Variants in GPT2 observed in about 807,000 individuals in gnomAD.
The protein encoded by GPT2 is glutamic--pyruvic transaminase 2.
A neutral mutation model predicts 56.9 loss-of-function variants in GPT2; 30 were observed. That is an observed-to-expected ratio of 0.53 (90% CI 0.39 to 0.72). The LOEUF is 0.72. GPT2 is among the 30% of genes least tolerant of loss of function. GPT2 has a pLI of 0.00. For missense variants in GPT2, 542 were observed against 703.4 expected, an observed-to-expected ratio of 0.77 and a Z score of 2.60; for synonymous variants, 271 against 283.1, an observed-to-expected ratio of 0.96 and a Z score of 0.43.
At chr16:46,903,774 A>G (rs976858930) in intron 4 of GPT2, among the ~76,000 whole-genome samples, 4 of 152,190 alleles carry the variant, frequency 2.6e-5, no homozygotes, top group African/African-American at 9.6e-5. Flanking sequence ...CACCAAAGAC[A>G]CTGGTGAGCA....
rs1340848778 is a variant in GPT2 at position 46,900,749 on chromosome 16, G to A, written c.401G>A (p.Arg134His). Reference protein sequence around the residue: ...SPSFPEDAKKRARRILQACGG... With the variant: ...SPSFPEDAKKHARRILQACGG... ...AGCTTCCCAGAAGATGCTAAGAAACGTGCCCGGCGGATCCTGCAGGCTTGT... is the reference window on the plus strand; with the variant it reads ...AGCTTCCCAGAAGATGCTAAGAAACATGCCCGGCGGATCCTGCAGGCTTGT... Residue 134 changes from arginine (R) to histidine (H), a missense_variant, in exon 4 of 12, where the codon CGT (arginine) becomes CAT (histidine). Physicochemically the swap from Arg to His is conservative, Grantham distance 29 (BLOSUM62 0). Transcript: ENST00000340124. The A allele has an allele frequency of 1.9e-6, 3 of 1,613,968 alleles. No individual in the cohort carries two copies. Among genetic ancestry groups the A allele is most frequent in the African/African-American group, 1.3e-5 (1 of 74,914 alleles).
rs1299115979 is a variant in GPT2, at chr16:46,916,653, A to G, written c.846A>G (p.Ile282Met). Reference sequence around the variant, plus strand: ...GCCAGGTACAAAGCAGAAAGTGCATAGAAGATGTGATCCACTTTGCCTGGG... The same window carrying G: ...GCCAGGTACAAAGCAGAAAGTGCATGGAAGATGTGATCCACTTTGCCTGGG... The part of the protein sequence containing the change: ...PTGQVQSRKC[I>M]EDVIHFAWEE... Residue 282 changes from isoleucine (I) to methionine (M), a missense_variant, in exon 7 of 12, where the codon ATA becomes ATG. Transcript: ENST00000340124. 2 of 1,613,912 alleles carry G rather than the reference A, an allele frequency of 1.2e-6. No homozygotes were observed. Among genetic ancestry groups the G allele is most frequent in the South Asian group, 1.1e-5 (1 of 91,078 alleles).
At position 46,885,205 on chromosome 16, in the gene GPT2, C is replaced by T. The variant is rs531804204; in HGVS notation, c.243+247C>T. 7 of 1,251,838 alleles carry T rather than the reference C, an allele frequency of 5.6e-6. No homozygotes were observed. In the South Asian group the frequency reaches 2.1e-4, roughly 38 times the overall value. 77.5% of individuals were successfully genotyped at this position (1,251,838 alleles called of 1,614,324 possible). A position where few individuals can be genotyped will look rare whatever the true frequency, so the allele number is the denominator to read the frequency against. ...TGAATTCGTCAATTGTTGAGCGGGCCGTGCTGCCAGGCACCGCACGTTGTG... is the reference window on the plus strand; with the variant it reads ...TGAATTCGTCAATTGTTGAGCGGGCTGTGCTGCCAGGCACCGCACGTTGTG... On this transcript the variant is annotated intron_variant, in intron 2 of 11. Transcript: ENST00000340124.
intron 2 of GPT2, among the ~76,000 whole-genome samples, chr16:46,891,745 A>G (rs545421691): frequency 2.0e-5 from 3 of 151,990 alleles, no homozygotes; most frequent in Admixed American, 1.3e-4. Flanking sequence ...CATCCCCTCC[A>G]GCATTTGTCC....
At chr16:46,919,333 C>A (rs1282207719) in intron 8 of GPT2, among the ~76,000 whole-genome samples, 3 of 152,138 alleles carry the variant, frequency 2.0e-5, no homozygotes, top group Non-Finnish European at 4.4e-5. Flanking sequence ...ATGAGTAAAT[C>A]GTGCGTCCCA....
At chr16:46,902,989 C>T (rs1960848927) in intron 4 of GPT2, among the ~76,000 whole-genome samples, 1 of 152,044 alleles carries the variant, frequency 6.6e-6, no homozygotes, top group African/African-American at 2.4e-5. Context: ...TGGCTCACAC[C>T]TGTAATCCCA....
intron 6 of GPT2, 175 bp from the exon 7 acceptor site, chr16:46,916,453 G>A: frequency 1.6e-6 from 1 of 627,534 alleles, no homozygotes; most frequent in East Asian, 2.5e-5. Flanking sequence ...GGGCGTCCCT[G>A]GAGGCCGACT....
At chr16:46,910,703 T>C (rs1961033230) in intron 6 of GPT2, among the ~76,000 whole-genome samples, 1 of 152,152 alleles carries the variant, frequency 6.6e-6, no homozygotes, top group Admixed American at 6.5e-5. Flanking sequence ...CCTGGAGATC[T>C]TCCTGTCTCA....
intron 2 of GPT2, among the ~76,000 whole-genome samples, chr16:46,889,696 G>T (rs1960551099): frequency 6.6e-6 from 1 of 152,172 alleles, no homozygotes; most frequent in African/African-American, 2.4e-5. Context: ...TTCAGCCTTG[G>T]TTTACTCTTC....
At chr16:46,922,442 C>G in intron 9 of GPT2, 26 bp downstream of exon 9, 1 of 1,573,534 alleles carries the variant, frequency 6.4e-7, no homozygotes, top group Non-Finnish European at 8.6e-7. Flanking sequence ...TGCGTCTGCA[C>G]CCCTGTGGCC....
intron 5 of GPT2, among the ~76,000 whole-genome samples, chr16:46,908,287 T>A (rs1244738102): frequency 6.7e-6 from 1 of 150,246 alleles, no homozygotes; most frequent in Non-Finnish European, 1.5e-5. Context: ...CCTGCAGTCC[T>A]GTGTTTGGGG....
At chr16:46,922,500 T>C in intron 9 of GPT2, 84 bp downstream of exon 9, 1 of 1,362,280 alleles carries the variant, frequency 7.3e-7, no homozygotes, top group Non-Finnish European at 9.9e-7. Flanking sequence ...TGTCTCCAGG[T>C]GGCCAGACAG....
chr16:46,907,451 G>A (rs571092154), intron 5 of GPT2, among the ~76,000 whole-genome samples: 89 of 152,350 alleles, frequency 5.8e-4, no homozygotes, highest in Admixed American at 1.8e-3. Flanking sequence ...TGGGAACTCC[G>A]ACCTGGTGGA....
chr16:46,903,712 T>C (rs1224613101), intron 4 of GPT2, among the ~76,000 whole-genome samples: 1 of 152,230 alleles, frequency 6.6e-6, no homozygotes, highest in African/African-American at 2.4e-5. Context: ...GGGCAGGAGC[T>C]GTGTGCCCTT....
At chr16:46,920,638 C>CAAAGGA (rs1286697352) in intron 8 of GPT2, among the ~76,000 whole-genome samples, 1 of 152,200 alleles carries the variant, frequency 6.6e-6, no homozygotes, top group East Asian at 1.9e-4. Context: ...GCGTGAAGCT[C>CAAAGGA]AAAGGAATAC....
intron 9 of GPT2, among the ~76,000 whole-genome samples, chr16:46,922,910 C>T (rs1961322296): frequency 1.3e-5 from 2 of 152,168 alleles, no homozygotes; most frequent in African/African-American, 4.8e-5. Flanking sequence ...AGGCTCACTT[C>T]TTTTTTAAAA....
chr16:46,897,829 C>T, intron 3 of GPT2, 92 bp downstream of exon 3: 1 of 1,039,400 alleles, frequency 9.6e-7, no homozygotes, highest in East Asian at 2.4e-5. Context: ...CCTCGATGTC[C>T]AGGCCCTCCC....
intron 2 of GPT2, among the ~76,000 whole-genome samples, chr16:46,888,336 G>A (rs1960523440): frequency 6.6e-6 from 1 of 152,200 alleles, no homozygotes; most frequent in African/African-American, 2.4e-5. Context: ...GTTTTCTGTG[G>A]CATTTAGATG....
intron 4 of GPT2, among the ~76,000 whole-genome samples, chr16:46,902,383 T>C (rs1290577109): frequency 6.6e-6 from 1 of 152,158 alleles, no homozygotes; most frequent in Non-Finnish European, 1.5e-5. Flanking sequence ...AAGGTTCATG[T>C]GTGCTAAAGC....
Sources: gnomAD v4.1 joint callset for allele counts (sites outside exome capture counted in the v4.1 genomes callset) on GRCh38, gnomAD v4.1.1 for gene constraint, MANE v1.5 for transcripts, NCBI Gene and HGNC (gene_info 2026-07-23, HGNC 2026-07-21) for gene names.